FSHR: variants seen among roughly 807,000 people sequenced by gnomAD.
The protein encoded by FSHR is follicle stimulating hormone receptor.
Under a neutral mutation model 52.1 loss-of-function variants are expected in FSHR, and 46 were observed. That is an observed-to-expected ratio of 0.88 (90% confidence interval 0.70 to 1.13). The LOEUF (loss-of-function observed/expected upper bound fraction) is 1.13, where lower values mean the gene tolerates loss of function less well. Ranked by LOEUF, FSHR falls within the 50% of genes most tolerant of loss-of-function variation. FSHR has a pLI of 0.00. For missense variants in FSHR, 964 were observed against 834.6 expected (o/e 1.16, Z -1.91); for synonymous variants, 399 against 309.6 (o/e 1.29, Z -3.03).
At chr2:48,973,374 G>A (rs572041579) in intron 8 of FSHR, among the ~76,000 whole-genome samples, 125 of 144,142 alleles carry the variant, frequency 8.7e-4, no homozygotes, top group African/African-American at 3.4e-3. Context: ...CCCCCGCCCC[G>A]CAGTCAGCCG....
At chr2:49,109,183 A>G (rs13024843) in intron 1 of FSHR, among the ~76,000 whole-genome samples, 39,283 of 152,030 alleles carry the variant, frequency 0.26, 5,491 homozygotes, top group East Asian at 0.49. Context: ...CAGAAAGATG[A>G]GCAGTGTGTT....
chr2:48,985,888 TATTTTTAGTAGAGACGG>T (rs1675486050), intron 6 of FSHR, among the ~76,000 whole-genome samples: 1 of 150,186 alleles, frequency 6.7e-6, no homozygotes, highest in Admixed American at 6.7e-5. Context: ...TAATTTTTTG[TATTTTTAGTAGAGACGG>T]GGTTTCACCT....
rs79250091 is a variant in FSHR at position 49,148,033 on chromosome 2, C to T, written c.152+6233G>A. On this transcript the variant is annotated intron_variant, in intron 1 of 9. Transcript: ENST00000406846. Reference sequence around the variant, plus strand: ...AAGTACATCTGAGGAATATAGAAAACTTAAAATTCAGGGTCTAGAATCTGA... The same window carrying T: ...AAGTACATCTGAGGAATATAGAAAATTTAAAATTCAGGGTCTAGAATCTGA... 2.9e-3 allele frequency among the ~76,000 whole-genome samples: 436 copies of T among 152,016 alleles called. 2 individuals carry two copies. The highest frequency in any genetic ancestry group is 0.01 in the African/African-American group (422 of 41,496).
chr2:49,135,581 C>G lies in FSHR; in HGVS notation c.152+18685G>C, dbSNP rs575038543. Among the ~76,000 whole-genome samples, 13 of 152,014 alleles carry G rather than the reference C, an allele frequency of 8.6e-5. No individual in the cohort carries two copies. In the South Asian group the frequency reaches 1.5e-3, roughly 17 times the overall value. Reference sequence around the variant, plus strand: ...AAAGAAGAGCAAATTAAATCTAAAGCAAGCTGAAGGAAGGAAATAGTAAAG... The same window carrying G: ...AAAGAAGAGCAAATTAAATCTAAAGGAAGCTGAAGGAAGGAAATAGTAAAG... On this transcript the variant is annotated intron_variant, in intron 1 of 9. Coordinates refer to ENST00000406846, the MANE Select transcript of FSHR (RefSeq NM_000145.4).
intron 2 of FSHR, among the ~76,000 whole-genome samples, chr2:49,035,148 T>A (rs1405580384): frequency 1.3e-5 from 2 of 152,174 alleles, no homozygotes; most frequent in Non-Finnish European, 2.9e-5. Context: ...CTTTTAGAAC[T>A]TGGGATGGCT....
chr2:49,136,030 T>G (rs1307360033), intron 1 of FSHR, among the ~76,000 whole-genome samples: 1 of 151,636 alleles, frequency 6.6e-6, no homozygotes, highest in African/African-American at 2.4e-5. Context: ...TATGGTCAAG[T>G]GTCAACAGAA....
At chr2:49,045,382 A>G (rs1289418700) in intron 2 of FSHR, among the ~76,000 whole-genome samples, 1 of 152,238 alleles carries the variant, frequency 6.6e-6, no homozygotes, top group Non-Finnish European at 1.5e-5. Flanking sequence ...ATTTGTATGC[A>G]CATTAAATTT....
At chr2:49,015,816 CTCTTG>C (rs1475749687) in intron 4 of FSHR, among the ~76,000 whole-genome samples, 1 of 152,114 alleles carries the variant, frequency 6.6e-6, no homozygotes, top group Non-Finnish European at 1.5e-5. Flanking sequence ...AATGCAGAGC[CTCTTG>C]TTTAAGCATT....
chr2:49,069,463 A>AT (rs758290804), intron 1 of FSHR, among the ~76,000 whole-genome samples: 62 of 152,042 alleles, frequency 4.1e-4, no homozygotes, highest in Non-Finnish European at 7.4e-4. Context: ...TGCTGCTTTA[A>AT]TTTTTCTTCA....
chr2:49,051,979 A>T (rs190970565), intron 2 of FSHR, among the ~76,000 whole-genome samples: 1 of 152,204 alleles, frequency 6.6e-6, no homozygotes. Flanking sequence ...TAGAAAACAA[A>T]CACTTTTGGG....
At chr2:49,068,435 T>G in intron 1 of FSHR, 145 bp from the exon 2 acceptor site, 2 of 712,490 alleles carry the variant, frequency 2.8e-6, no homozygotes, top group South Asian at 2.9e-5. Flanking sequence ...TTCTCTCTTT[T>G]CATCCTGTCT....
chr2:49,148,361 C>T (rs147720530), intron 1 of FSHR, among the ~76,000 whole-genome samples: 37 of 151,998 alleles, frequency 2.4e-4, no homozygotes, highest in African/African-American at 8.0e-4. Flanking sequence ...GAAAGCTATC[C>T]GATCCTATAC....
intron 1 of FSHR, among the ~76,000 whole-genome samples, chr2:49,082,265 A>T (rs901868085): frequency 6.6e-6 from 1 of 152,186 alleles, no homozygotes; most frequent in Non-Finnish European, 1.5e-5. Context: ...GGGTACTCCA[A>T]CAGACCTGCA....
At chr2:49,108,411 A>G (rs958108545) in intron 1 of FSHR, among the ~76,000 whole-genome samples, 7 of 152,128 alleles carry the variant, frequency 4.6e-5, no homozygotes, top group African/African-American at 1.7e-4. Flanking sequence ...TAATACAGAT[A>G]CATATCCATA....
At chr2:49,122,305 G>A (rs1410147555) in intron 1 of FSHR, among the ~76,000 whole-genome samples, 1 of 152,174 alleles carries the variant, frequency 6.6e-6, no homozygotes, top group Non-Finnish European at 1.5e-5. Context: ...TTTGCTGACA[G>A]AACTGTCATC....
chr2:48,987,250 C>CTGGAG (rs1675553024), intron 6 of FSHR, among the ~76,000 whole-genome samples: 1 of 152,092 alleles, frequency 6.6e-6, no homozygotes, highest in African/African-American at 2.4e-5. Context: ...GTTGCCCAGG[C>CTGGAG]TGGAGTGCAG....
chr2:49,072,209 A>G (rs1669763218), intron 1 of FSHR, among the ~76,000 whole-genome samples: 1 of 152,022 alleles, frequency 6.6e-6, no homozygotes, highest in African/African-American at 2.4e-5. Context: ...GAAAGAACAA[A>G]ACCAAAAGCA....
intron 1 of FSHR, among the ~76,000 whole-genome samples, chr2:49,093,287 G>A (rs1445867825): frequency 6.6e-6 from 1 of 152,178 alleles, no homozygotes; most frequent in Non-Finnish European, 1.5e-5. Context: ...GCTGAGATAG[G>A]AGTGTTAAAA....
chr2:49,076,772 A>G (rs758231382), intron 1 of FSHR, among the ~76,000 whole-genome samples: 12 of 152,186 alleles, frequency 7.9e-5, no homozygotes, highest in Non-Finnish European at 1.5e-4. Flanking sequence ...AGCCATTCCA[A>G]ATGAGAGAAA....
Sources: gnomAD v4.1 joint callset for allele counts (sites outside exome capture counted in the v4.1 genomes callset) on GRCh38, gnomAD v4.1.1 for gene constraint, MANE v1.5 for transcripts, NCBI Gene and HGNC (gene_info 2026-07-23, HGNC 2026-07-21) for gene names.